RLIM: variants seen among roughly 807,000 people sequenced by gnomAD.
RLIM encodes ring finger protein, LIM domain interacting.
Under a neutral mutation model 34.0 loss-of-function variants are expected in RLIM, and 2 were observed. The observed-to-expected ratio is 0.06, with a 90% CI of 0.02 to 0.19. RLIM has a LOEUF of 0.19. RLIM is among the 10% of genes least tolerant of loss of function. The probability of loss-of-function intolerance (pLI) is 1.00; values close to 1 mark genes in which losing one functional copy is unlikely to be tolerated. For synonymous variants in RLIM, 169 were observed against 164.0 expected, an observed-to-expected ratio of 1.03 and a Z score of -0.23; for missense variants, 286 against 479.7, an observed-to-expected ratio of 0.60 and a Z score of 3.77.
intron 1 of RLIM, among the ~76,000 whole-genome samples, chrX:74,603,374 C>T (rs776855075): frequency 5.4e-5 from 6 of 110,748 alleles, no homozygotes; most frequent in African/African-American, 1.3e-4. Context: ...AAAGATCCAA[C>T]GAGATCTTCC....
rs1228455802 is a variant in RLIM at position 74,588,561 on chromosome X, G to A, written c.*2879C>T. On this transcript the variant is annotated 3_prime_UTR_variant, in exon 4 of 4. Coordinates refer to ENST00000332687, the MANE Select transcript of RLIM (RefSeq NM_016120.4). ...ACAATTCAAATGTTTCAGACTAGAA[G>A]TGAGTTTTTAAAAACATCTGAAATA... The A allele has an allele frequency of 8.9e-6, 1 of 112,279 alleles. No individual in the cohort carries two copies. The highest frequency in any genetic ancestry group is 1.9e-5 in the Non-Finnish European group (1 of 53,305). 9.3% of individuals were successfully genotyped at this position (112,279 alleles called of 1,213,427 possible).
In RLIM at chrX:74,598,398, TGGGA is replaced by T. The variant is rs765260210; in HGVS notation, c.-23-2402_-23-2399del. ...ATCTCAGCACTTTGGGAGGCCGAGG[TGGGA>T]GGATCACTTGAGCCCAGAAGTTCAA... On this transcript the variant is annotated intron_variant, in intron 1 of 3. Transcript: ENST00000332687. Among the ~76,000 whole-genome samples, 3 of 110,643 alleles carry T rather than the reference TGGGA, an allele frequency of 2.7e-5. No individual in the cohort carries two copies. In the South Asian group the frequency reaches 1.2e-3, roughly 43 times the overall value.
intron 1 of RLIM, among the ~76,000 whole-genome samples, chrX:74,596,906 C>T: frequency 9.0e-6 from 1 of 111,542 alleles, no homozygotes; most frequent in Non-Finnish European, 1.9e-5. Context: ...CTCTGAATGT[C>T]ACGCTTAAAG....
chrX:74,586,607 G>T lies in RLIM; in HGVS notation c.*4833C>A, dbSNP rs1569308257. 1 of 112,240 alleles carries T rather than the reference G, an allele frequency of 8.9e-6. No individual in the cohort carries two copies. The highest frequency in any genetic ancestry group is 1.9e-5 in the Non-Finnish European group (1 of 53,288). The allele number at this position is 112,240 out of a possible 1,213,427, so 9.2% of individuals were successfully genotyped here. ...ACACTGTTATACAGCTCAATTCTATGCTGCAGCCTTTAAGATACAAACTGG... is the reference window on the plus strand; with the variant it reads ...ACACTGTTATACAGCTCAATTCTATTCTGCAGCCTTTAAGATACAAACTGG... On this transcript the variant is annotated 3_prime_UTR_variant, in exon 4 of 4. Coordinates refer to ENST00000332687, the MANE Select transcript of RLIM (RefSeq NM_016120.4).
At chrX:74,594,273 T>C (rs1325005820) in intron 3 of RLIM, 33 bp downstream of exon 3, 3 of 1,044,876 alleles carry the variant, frequency 2.9e-6, no homozygotes, top group Non-Finnish European at 3.9e-6. Context: ...CATCCCATCG[T>C]CTATCCACCT....
intron 2 of RLIM, 90 bp from the exon 3 acceptor site, chrX:74,594,479 G>T: frequency 1.8e-6 from 1 of 555,329 alleles, no homozygotes; most frequent in Non-Finnish European, 2.7e-6. Flanking sequence ...GACACAAGAT[G>T]ATTAGAAAAA....
At chrX:74,595,674 A>T in intron 2 of RLIM, 135 bp downstream of exon 2, 1 of 411,754 alleles carries the variant, frequency 2.4e-6, no homozygotes, top group South Asian at 6.6e-5. Context: ...ATACAGCAAT[A>T]AATGTCATTC....
At chrX:74,603,830 C>T (rs1035153386) in intron 1 of RLIM, among the ~76,000 whole-genome samples, 2 of 111,905 alleles carry the variant, frequency 1.8e-5, no homozygotes, top group Non-Finnish European at 3.8e-5. Flanking sequence ...TTTCAGCTGA[C>T]TGACCACGGT....
At position 74,590,010 on chromosome X, in the gene RLIM, A is replaced by T. The variant is rs1370854661; in HGVS notation, c.*1430T>A. The stretch of plus-strand genomic sequence containing the variant: ...TTTCAACAAAGGATAAAAATCCCTT[A>T]ATCTTCAACTGGTCTTTAAATTTGA... On this transcript the variant is annotated 3_prime_UTR_variant, in exon 4 of 4. Coordinates refer to ENST00000332687, the MANE Select transcript of RLIM (RefSeq NM_016120.4). 1 of 112,127 alleles carries T rather than the reference A, an allele frequency of 8.9e-6. No individual in the cohort carries two copies. Among genetic ancestry groups the T allele is most frequent in the Non-Finnish European group, 1.9e-5 (1 of 53,241 alleles). The allele number at this position is 112,127 out of a possible 1,213,427, so 9.2% of individuals were successfully genotyped here.
Position 74,583,551 on chromosome X carries a change from A to G in RLIM, c.*7889T>C, listed in dbSNP as rs1024555202. ...CATTGTCTGTGTTGATGAATTCACC[A>G]AATTTTTATTCCAGTCTATTTTGAG... On this transcript the variant is annotated 3_prime_UTR_variant, in exon 4 of 4. Transcript: ENST00000332687. The G allele has an allele frequency of 8.1e-5, 42 of 521,296 alleles. No homozygotes were observed. Among genetic ancestry groups the G allele is most frequent in the Non-Finnish European group, 1.5e-4 (42 of 288,174 alleles). The allele number at this position is 521,296 out of a possible 1,213,427, so 43.0% of individuals were successfully genotyped here. A position where few individuals can be genotyped will look rare whatever the true frequency, so the allele number is the denominator to read the frequency against.
chrX:74,591,687 T>C lies in RLIM; in HGVS notation c.1628A>G (p.Asp543Gly). 8.3e-7 allele frequency: 1 copy of C among 1,211,657 alleles called. No individual in the cohort carries two copies. The highest frequency in any genetic ancestry group is 1.1e-6 in the Non-Finnish European group (1 of 895,476). The change falls in exon 4 of 4, where the codon GAC becomes GGC. Residue 543 changes from aspartate to glycine, a missense_variant. By Grantham distance (94) the Asp-to-Gly change is moderately conservative. This residue lies in a region of RLIM where 69 missense variants were observed against 83.5 expected (regional missense o/e 0.83). Coordinates refer to ENST00000332687, the MANE Select transcript of RLIM (RefSeq NM_016120.4). ...QFFLLNEDDD[D>G]QPRGLTKEQI... is the part of the protein sequence containing the mutation. ...TTCTTTGGTGAGTCCTCTAGGTTGG[T>C]CATCATCATCCTCATTTAAGAGGAA... is the stretch of plus-strand genomic sequence containing the variant.
At chrX:74,612,785 CAAG>C (rs749253291) in intron 1 of RLIM, 33 of 110,367 alleles carry the variant, frequency 3.0e-4, no homozygotes, top group African/African-American at 1.0e-3. Context: ...TTGGGGAGAG[CAAG>C]AAGGTCAGAG....
Position 74,596,019 on chromosome X carries a change from C to A in RLIM, c.-23-19G>T. On this transcript the variant is annotated intron_variant, in intron 1 of 3. Coordinates refer to ENST00000332687, the MANE Select transcript of RLIM (RefSeq NM_016120.4). ...AAAATACCTGAAAAGAGAAAAGAGA[C>A]TAATCTTGAAAATAAAGGTCACTAT... is the stretch of plus-strand genomic sequence containing the variant. 1 of 1,016,008 alleles carries A rather than the reference C, an allele frequency of 9.8e-7. No homozygotes were observed. Among genetic ancestry groups the A allele is most frequent in the Non-Finnish European group, 1.3e-6 (1 of 752,439 alleles). The allele number at this position is 1,016,008 out of a possible 1,213,427, so 83.7% of individuals were successfully genotyped here.
chrX:74,606,926 G>A (rs1023061427), intron 1 of RLIM, among the ~76,000 whole-genome samples: 1 of 110,499 alleles, frequency 9.0e-6, no homozygotes, highest in Non-Finnish European at 1.9e-5. Flanking sequence ...GCTTGAGCCC[G>A]GGAGTTCAAA....
At chrX:74,594,278 C>T (rs1311276238) in intron 3 of RLIM, 28 bp downstream of exon 3, 4 of 1,096,539 alleles carry the variant, frequency 3.6e-6, no homozygotes, top group East Asian at 6.2e-5. Context: ...CATCGTCTAT[C>T]CACCTCCCCA....
At chrX:74,601,152 G>A (rs1337664845) in intron 1 of RLIM, among the ~76,000 whole-genome samples, 1 of 111,954 alleles carries the variant, frequency 8.9e-6, no homozygotes, top group Non-Finnish European at 1.9e-5. Context: ...ATGGAGGGGG[G>A]TGTATCAGGT....
chrX:74,599,664 C>T (rs770889641), intron 1 of RLIM, among the ~76,000 whole-genome samples: 7 of 110,999 alleles, frequency 6.3e-5, no homozygotes, highest in Non-Finnish European at 1.1e-4. Flanking sequence ...GGAATTGGGC[C>T]CTCAACATAT....
In RLIM at chrX:74,610,430, AAAACAAACAAAC is replaced by A. The variant is rs753804272; in HGVS notation, c.-24+3980_-24+3991del. Among the ~76,000 whole-genome samples, 15 of 104,828 alleles carry A rather than the reference AAAACAAACAAAC, an allele frequency of 1.4e-4. No homozygotes were observed. The South Asian group carries it at 2.5e-3, about 18-fold the overall frequency. 91.0% of individuals were successfully genotyped at this position (104,828 alleles called of 115,157 possible). ...AAACTCGTCCTGCCCTCCTAACCAA[AAAACAAACAAAC>A]AAACAAACAAACAAACAAAAAAAAC... On this transcript the variant is annotated intron_variant, in intron 1 of 3. Transcript: ENST00000332687.
At position 74,584,452 on chromosome X, in the gene RLIM, A is replaced by G. The variant is rs1931296325; in HGVS notation, c.*6988T>C. ...TAGTTAGTAATCCATGCAAGGCCTT[A>G]TAGTTAAATCTTGTCTAAATTCAAA... is the stretch of plus-strand genomic sequence containing the variant. On this transcript the variant is annotated 3_prime_UTR_variant, in exon 4 of 4. Coordinates refer to ENST00000332687, the MANE Select transcript of RLIM (RefSeq NM_016120.4). Among the ~76,000 whole-genome samples the G allele has an allele frequency of 8.9e-6, 1 of 112,618 alleles. No homozygotes were observed. The highest frequency in any genetic ancestry group is 1.9e-5 in the Non-Finnish European group (1 of 53,364).
Sources: gnomAD v4.1 joint callset for allele counts (sites outside exome capture counted in the v4.1 genomes callset) on GRCh38, gnomAD v4.1.1 for gene constraint, gnomAD v4.1.1 regional missense constraint, MANE v1.5 for transcripts, NCBI Gene and HGNC (gene_info 2026-07-23, HGNC 2026-07-21) for gene names.